Variants in ADCY9 observed in about 807,000 individuals in gnomAD.
The protein encoded by ADCY9 is adenylate cyclase 9.
A neutral mutation model predicts 101.5 loss-of-function variants in ADCY9; 50 were observed. That is an observed-to-expected ratio of 0.49 (90% CI 0.39 to 0.62). The LOEUF is 0.62. Among genes scored for constraint, ADCY9 ranks in the 20% least tolerant of loss-of-function variants. ADCY9 has a pLI of 0.00. For synonymous variants in ADCY9, 905 were observed against 769.3 expected (o/e 1.18, Z -2.92); for missense variants, 1,662 against 1,800.4 (o/e 0.92, Z 1.39).
At chr16:4,072,994 G>GAA (rs59730727) in intron 2 of ADCY9, among the ~76,000 whole-genome samples, 3,389 of 129,584 alleles carry the variant, frequency 0.026, 78 homozygotes, top group African/African-American at 0.053. Context: ...TATCCTAAAA[G>GAA]AAAAAAAAAA....
chr16:4,069,481 G>A (rs1032376369), intron 2 of ADCY9, among the ~76,000 whole-genome samples: 22 of 151,562 alleles, frequency 1.5e-4, no homozygotes, highest in African/African-American at 5.3e-4. Context: ...CTGACAGAGT[G>A]GGGCTTCAAC....
At chr16:4,060,238 G>T (rs745942517) in intron 2 of ADCY9, among the ~76,000 whole-genome samples, 1 of 152,170 alleles carries the variant, frequency 6.6e-6, no homozygotes, top group African/African-American at 2.4e-5. Context: ...AAACCTAGCC[G>T]GAAGATACAG....
chr16:4,023,755 A>G (rs919864452), intron 2 of ADCY9, among the ~76,000 whole-genome samples: 3 of 152,144 alleles, frequency 2.0e-5, no homozygotes, highest in Non-Finnish European at 4.4e-5. Flanking sequence ...TCTACTAAAA[A>G]TACAAAAATT....
At chr16:4,021,812 T>A (rs2056479116) in intron 2 of ADCY9, among the ~76,000 whole-genome samples, 1 of 152,134 alleles carries the variant, frequency 6.6e-6, no homozygotes, top group Non-Finnish European at 1.5e-5. Flanking sequence ...AGACTCCACT[T>A]CATCAGAACA....
At chr16:3,955,451 T>C (rs2055901954) in intron 5 of ADCY9, among the ~76,000 whole-genome samples, 1 of 152,234 alleles carries the variant, frequency 6.6e-6, no homozygotes, top group East Asian at 1.9e-4. Context: ...CATTCTTCAA[T>C]ATTCAAAAAG....
Position 3,993,450 on chromosome 16 carries a change from C to T in ADCY9, c.1945G>A (p.Ala649Thr). Residue 649 changes from alanine to threonine, a missense_variant, in exon 4 of 11, where the codon GCA becomes ACA. Ala to Thr is a moderately conservative substitution (Grantham distance 58). Around this residue, in one of 5 missense-constraint regions of ADCY9, gnomAD observed 624 missense variants for 639.1 expected, o/e 0.98. Coordinates refer to ENST00000294016, the MANE Select transcript of ADCY9 (RefSeq NM_001116.4). Reference sequence around the variant, plus strand: ...TCGTCTTGGCAGCCGTTTTGAGGTGCTCCTCCCTCGGCGCCGGCTTCAGAT... The same window carrying T: ...TCGTCTTGGCAGCCGTTTTGAGGTGTTCCTCCCTCGGCGCCGGCTTCAGAT... ...PKSEAGAEGG[A>T]PQNGCQDEHK... 1.2e-6 allele frequency: 2 copies of T among 1,614,236 alleles called. No individual in the cohort carries two copies. The highest frequency in any genetic ancestry group is 2.2e-5 in the East Asian group (1 of 44,884).
intron 2 of ADCY9, among the ~76,000 whole-genome samples, chr16:4,065,173 G>T (rs989566841): frequency 1.3e-5 from 2 of 152,182 alleles, no homozygotes; most frequent in African/African-American, 4.8e-5. Context: ...CGTTTGCACA[G>T]TAATTCACTT....
chr16:4,013,375 C>A (rs1344587891), intron 2 of ADCY9, among the ~76,000 whole-genome samples: 1 of 151,724 alleles, frequency 6.6e-6, no homozygotes, highest in South Asian at 2.1e-4. Flanking sequence ...GAGCTGAGAT[C>A]GTGCCATTGC....
At chr16:4,101,904 A>T (rs971402398) in intron 2 of ADCY9, among the ~76,000 whole-genome samples, 45 of 152,144 alleles carry the variant, frequency 3.0e-4, no homozygotes, top group African/African-American at 1.0e-3. Context: ...TGAACCCCCG[A>T]GGGTTTTCAG....
intron 2 of ADCY9, among the ~76,000 whole-genome samples, chr16:4,075,189 A>G (rs374505115): frequency 6.8e-6 from 1 of 146,718 alleles, no homozygotes; most frequent in Non-Finnish European, 1.5e-5. Flanking sequence ...ATATATATGG[A>G]GTGCAGTGGC....
chr16:3,965,671 C>T lies in ADCY9; in HGVS notation c.*104G>A, dbSNP rs961740777. 1.1e-5 allele frequency: 11 copies of T among 1,040,140 alleles called. No homozygotes were observed. Among genetic ancestry groups the T allele is most frequent in the African/African-American group, 3.2e-5 (2 of 62,930 alleles). 64.4% of individuals were successfully genotyped at this position (1,040,140 alleles called of 1,614,324 possible). On this transcript the variant is annotated 3_prime_UTR_variant, in exon 11 of 11. Coordinates refer to ENST00000294016, the MANE Select transcript of ADCY9 (RefSeq NM_001116.4). ...GGGCTGAAATGACCACATAACACCACGTCCGGGGAGGGCAACTGTGGCGCT... is the reference window on the plus strand; with the variant it reads ...GGGCTGAAATGACCACATAACACCATGTCCGGGGAGGGCAACTGTGGCGCT...
intron 2 of ADCY9, among the ~76,000 whole-genome samples, chr16:4,014,777 C>T (rs1387258155): frequency 3.6e-4 from 7 of 19,258 alleles, no homozygotes; most frequent in Non-Finnish European, 1.2e-3. Context: ...CATGTGCACG[C>T]ATTCTCTCTC....
At chr16:4,097,465 T>TATATATATATATATATATATATATAC (rs2141195321) in intron 2 of ADCY9, among the ~76,000 whole-genome samples, 2 of 23,164 alleles carry the variant, frequency 8.6e-5, no homozygotes, top group African/African-American at 1.5e-4. Flanking sequence ...TATATATATA[T>TATATATATATATATATATATATATAC]ATATATATAT....
chr16:4,025,860 C>T (rs1014522114), intron 2 of ADCY9, among the ~76,000 whole-genome samples: 4 of 152,054 alleles, frequency 2.6e-5, no homozygotes, highest in East Asian at 1.9e-4. Flanking sequence ...GGTGTGGCTA[C>T]GATTGAGAGG....
At chr16:4,040,475 G>A (rs1304617691) in intron 2 of ADCY9, among the ~76,000 whole-genome samples, 1 of 78,728 alleles carries the variant, frequency 1.3e-5, no homozygotes, top group East Asian at 3.8e-4. Context: ...TTTTTTTTTT[G>A]AGATAGAGTC....
downstream of ADCY9, among the ~76,000 whole-genome samples, chr16:3,961,225 A>G (rs1480832949): frequency 6.6e-6 from 1 of 152,092 alleles, no homozygotes; most frequent in Non-Finnish European, 1.5e-5. Context: ...AGGAGGACGG[A>G]TCACTTGAAC....
At chr16:4,055,449 G>C (rs1466877965) in intron 2 of ADCY9, among the ~76,000 whole-genome samples, 1 of 151,930 alleles carries the variant, frequency 6.6e-6, no homozygotes, top group Non-Finnish European at 1.5e-5. Flanking sequence ...CAGGAGAATT[G>C]CTTGAACCCA....
intron 2 of ADCY9, among the ~76,000 whole-genome samples, chr16:4,076,803 G>A (rs2056870203): frequency 6.6e-6 from 1 of 152,062 alleles, no homozygotes; most frequent in Non-Finnish European, 1.5e-5. Flanking sequence ...CTGGCTGGGG[G>A]CGGTGGCTCA....
chr16:3,979,970 G>GCT (rs58118769), intron 7 of ADCY9, among the ~76,000 whole-genome samples: 107,573 of 152,142 alleles, frequency 0.71, 39,578 homozygotes, highest in Non-Finnish European at 0.82. Context: ...AGTGGTCTCT[G>GCT]CTGTTTGGGG....
Sources: allele counts gnomAD v4.1 joint callset (sites outside exome capture counted in the v4.1 genomes callset), GRCh38; gene constraint gnomAD v4.1.1; regional missense constraint gnomAD v4.1.1; transcripts MANE v1.5; gene names NCBI Gene and HGNC (gene_info 2026-07-23, HGNC 2026-07-21).